GAB2: variants seen among roughly 807,000 people sequenced by gnomAD.
GAB2 encodes GRB2-associated-binding protein 2.
GAB2 carries 26 observed loss-of-function variants against 65.5 expected under a neutral mutation model. The observed-to-expected ratio is 0.40, with a 90% CI of 0.29 to 0.55. The LOEUF is 0.55. GAB2 is among the 20% of genes least tolerant of loss of function. The pLI, the probability that GAB2 is intolerant of heterozygous loss-of-function variation, is 0.53. For missense variants in GAB2, 884 were observed against 875.8 expected (o/e 1.01, Z -0.12); for synonymous variants, 321 against 329.6 (o/e 0.97, Z 0.28).
At chr11:78,221,581 G>T in intron 8 of GAB2, 96 bp downstream of exon 8, 1 of 667,388 alleles carries the variant, frequency 1.5e-6, no homozygotes, top group Non-Finnish European at 2.7e-6. Context: ...GAGTCCCTGG[G>T]CTGAGGTGAG....
At chr11:78,356,430 C>A (rs942256073) in intron 1 of GAB2, among the ~76,000 whole-genome samples, 3 of 152,252 alleles carry the variant, frequency 2.0e-5, no homozygotes, top group African/African-American at 7.2e-5. Flanking sequence ...AAAAATATTA[C>A]CTATAGCAGA....
At chr11:78,370,182 G>A (rs1445621274) in intron 1 of GAB2, among the ~76,000 whole-genome samples, 1 of 149,422 alleles carries the variant, frequency 6.7e-6, no homozygotes, top group African/African-American at 2.5e-5. Context: ...GCGTGAACCC[G>A]GGAGGCGGAG....
At chr11:78,231,336 G>GT (rs1554975133) in intron 3 of GAB2, among the ~76,000 whole-genome samples, 61 of 145,896 alleles carry the variant, frequency 4.2e-4, no homozygotes, top group South Asian at 1.3e-3. Flanking sequence ...GCGCGTGTGT[G>GT]GTGTGTGTGT....
chr11:78,411,558 C>T (rs535620700), intron 1 of GAB2, among the ~76,000 whole-genome samples: 3 of 152,250 alleles, frequency 2.0e-5, no homozygotes, highest in African/African-American at 2.4e-5. Context: ...CACACAAATA[C>T]GTCCAACTGA....
intron 1 of GAB2, among the ~76,000 whole-genome samples, chr11:78,349,608 G>T (rs1425016145): frequency 1.3e-5 from 2 of 152,152 alleles, no homozygotes; most frequent in Non-Finnish European, 2.9e-5. Flanking sequence ...GATAGCCTAG[G>T]GACAAGAAGA....
rs966966181 is a variant in GAB2, at chr11:78,248,191, G to C, written c.620+1966C>G. On this transcript the variant is annotated intron_variant, in intron 3 of 9. Transcript: ENST00000361507. ...ACTGCTGTGGCAATTCAGAGAAAAA[G>C]TGAATTCCAGGTAGGAAGATTAATA... is the stretch of plus-strand genomic sequence containing the variant. 1.6e-4 allele frequency among the ~76,000 whole-genome samples: 25 copies of C among 152,324 alleles called. 2 individuals carry two copies. The highest frequency in any genetic ancestry group is 1.2e-3 in the Admixed American group (18 of 15,300).
intron 1 of GAB2, among the ~76,000 whole-genome samples, chr11:78,371,455 T>C (rs1856570358): frequency 6.6e-6 from 1 of 152,180 alleles, no homozygotes; most frequent in South Asian, 2.1e-4. Flanking sequence ...CTGGCAGACA[T>C]AGTGCTGCCT....
chr11:78,360,708 A>C (rs1856423385), intron 1 of GAB2, among the ~76,000 whole-genome samples: 1 of 152,050 alleles, frequency 6.6e-6, no homozygotes, highest in Non-Finnish European at 1.5e-5. Flanking sequence ...AAATACAAAA[A>C]TTAGCTGGGG....
At chr11:78,239,346 G>A (rs564181518) in intron 3 of GAB2, among the ~76,000 whole-genome samples, 6 of 151,886 alleles carry the variant, frequency 4.0e-5, no homozygotes, top group African/African-American at 9.7e-5. Flanking sequence ...TCAGCCTCCC[G>A]AGTAGCTGGG....
At chr11:78,353,969 T>A (rs574554332) in intron 1 of GAB2, among the ~76,000 whole-genome samples, 1 of 152,352 alleles carries the variant, frequency 6.6e-6, no homozygotes, top group African/African-American at 2.4e-5. Context: ...CAGCCTAGAA[T>A]TTGTGATTCA....
At chr11:78,409,785 T>C (rs1857103407) in intron 1 of GAB2, among the ~76,000 whole-genome samples, 1 of 152,170 alleles carries the variant, frequency 6.6e-6, no homozygotes, top group Admixed American at 6.5e-5. Flanking sequence ...AATTGACATT[T>C]ATGGAATACT....
At chr11:78,305,073 T>A (rs1371056533) in intron 1 of GAB2, among the ~76,000 whole-genome samples, 2 of 152,238 alleles carry the variant, frequency 1.3e-5, no homozygotes, top group Non-Finnish European at 2.9e-5. Flanking sequence ...GAATGCCAAC[T>A]GAGGACTCAG....
At chr11:78,307,510 C>A (rs771670484) in intron 1 of GAB2, among the ~76,000 whole-genome samples, 82 of 151,708 alleles carry the variant, frequency 5.4e-4, no homozygotes, top group Non-Finnish European at 2.9e-4. Flanking sequence ...GTAATCCCAG[C>A]ACTTTGGGAG....
intron 1 of GAB2, among the ~76,000 whole-genome samples, chr11:78,389,419 G>A (rs2135061637): frequency 6.7e-6 from 1 of 150,362 alleles, no homozygotes; most frequent in Admixed American, 6.7e-5. Context: ...TGATTCTTTT[G>A]CCTCAGCCTC....
At chr11:78,339,443 A>C (rs1856057024) in intron 1 of GAB2, among the ~76,000 whole-genome samples, 1 of 152,320 alleles carries the variant, frequency 6.6e-6, no homozygotes, top group South Asian at 2.1e-4. Flanking sequence ...AGCATCTGAT[A>C]ACACTTAAAA....
chr11:78,370,022 C>T (rs1174965817), intron 1 of GAB2, among the ~76,000 whole-genome samples: 4 of 152,042 alleles, frequency 2.6e-5, no homozygotes, highest in African/African-American at 9.7e-5. Flanking sequence ...CTTTGGGAGG[C>T]CGAGGCGGGC....
chr11:78,336,045 G>A (rs556425319), intron 1 of GAB2, among the ~76,000 whole-genome samples: 3 of 151,986 alleles, frequency 2.0e-5, no homozygotes, highest in Non-Finnish European at 2.9e-5. Context: ...CGGGCATGGT[G>A]GCTCACACCT....
chr11:78,282,900 A>G (rs1013139658), intron 1 of GAB2, among the ~76,000 whole-genome samples: 5 of 152,220 alleles, frequency 3.3e-5, no homozygotes, highest in African/African-American at 1.2e-4. Flanking sequence ...ATCCATTATC[A>G]TAATTATTCC....
At chr11:78,296,591 G>A (rs1216313446) in intron 1 of GAB2, among the ~76,000 whole-genome samples, 2 of 151,286 alleles carry the variant, frequency 1.3e-5, no homozygotes, top group African/African-American at 2.4e-5. Flanking sequence ...CATGGTACCC[G>A]ATATATGACA....
Sources: allele counts gnomAD v4.1 joint callset (sites outside exome capture counted in the v4.1 genomes callset), GRCh38; gene constraint gnomAD v4.1.1; transcripts MANE v1.5; gene names NCBI Gene and HGNC (gene_info 2026-07-23, HGNC 2026-07-21).